Variants in ANO4 observed in about 807,000 individuals in gnomAD.
ANO4 encodes anoctamin 4.
Under a neutral mutation model 141.9 loss-of-function variants are expected in ANO4, and 69 were observed. The ratio of observed to expected loss-of-function variants is 0.49; its 90% confidence interval spans 0.40 to 0.59. The LOEUF (loss-of-function observed/expected upper bound fraction) is 0.59, where lower values mean the gene tolerates loss of function less well. Among genes scored for constraint, ANO4 ranks in the 20% least tolerant of loss-of-function variants. ANO4 has a pLI of 0.00. For missense variants in ANO4, 894 were observed against 1,162.2 expected (o/e 0.77, Z 3.36); for synonymous variants, 350 against 394.3 (o/e 0.89, Z 1.33).
At chr12:100,970,416 C>T (rs1566071304) in intron 5 of ANO4, among the ~76,000 whole-genome samples, 1 of 152,082 alleles carries the variant, frequency 6.6e-6, no homozygotes, top group African/African-American at 2.4e-5. Flanking sequence ...CCTCAACATA[C>T]CAGGAAGCTT....
At chr12:100,925,049 T>TATGC (rs2041805919) in intron 3 of ANO4, among the ~76,000 whole-genome samples, 1 of 152,116 alleles carries the variant, frequency 6.6e-6, no homozygotes, top group Non-Finnish European at 1.5e-5. Flanking sequence ...TTTATAAGTT[T>TATGC]ATGCATTTTC....
At chr12:100,853,978 G>A (rs1356167073) in intron 1 of ANO4, among the ~76,000 whole-genome samples, 2 of 152,084 alleles carry the variant, frequency 1.3e-5, no homozygotes, top group Non-Finnish European at 2.9e-5. Flanking sequence ...ATGACAACCA[G>A]TTTATTTATG....
chr12:100,807,973 C>A (rs1323578149), intron 1 of ANO4, among the ~76,000 whole-genome samples: 1 of 152,146 alleles, frequency 6.6e-6, no homozygotes, highest in Non-Finnish European at 1.5e-5. Flanking sequence ...CATTGATAAG[C>A]ATTTAGGTTG....
At chr12:100,838,229 C>CAAAAAA (rs11331726) in intron 1 of ANO4, among the ~76,000 whole-genome samples, 7 of 84,228 alleles carry the variant, frequency 8.3e-5, no homozygotes, top group South Asian at 4.6e-4. Context: ...GACTCCGTCT[C>CAAAAAA]AAAAAAAAAA....
At chr12:101,092,529 T>C (rs149830538) in intron 17 of ANO4, among the ~76,000 whole-genome samples, 1 of 149,662 alleles carries the variant, frequency 6.7e-6, no homozygotes, top group Non-Finnish European at 1.5e-5. Flanking sequence ...TGAGCGGCTG[T>C]GAGTCCCTCT....
At chr12:100,778,552 G>C (rs1052911926) in intron 3 of ANO4, among the ~76,000 whole-genome samples, 1 of 152,190 alleles carries the variant, frequency 6.6e-6, no homozygotes, top group Non-Finnish European at 1.5e-5. Flanking sequence ...GTTTAGGGCT[G>C]TCTCTTGCTG....
chr12:101,005,923 G>GCCT (rs1187861373), intron 8 of ANO4, among the ~76,000 whole-genome samples: 5 of 151,008 alleles, frequency 3.3e-5, no homozygotes, highest in Admixed American at 6.6e-5. Flanking sequence ...TCCTCTTCCT[G>GCCT]CCTCCTCCTC....
At chr12:100,719,004 T>A (rs568482668) in intron 1 of ANO4, among the ~76,000 whole-genome samples, 1 of 152,348 alleles carries the variant, frequency 6.6e-6, no homozygotes, top group African/African-American at 2.4e-5. Context: ...TGTACGTTTC[T>A]AGAAGCTTTA....
At chr12:100,932,922 T>G (rs575427555) in intron 3 of ANO4, among the ~76,000 whole-genome samples, 3 of 152,142 alleles carry the variant, frequency 2.0e-5, no homozygotes, top group Non-Finnish European at 4.4e-5. Flanking sequence ...AGGCTGAGCT[T>G]CTAATCTTTG....
chr12:101,012,523 AG>A (rs1054402102), intron 8 of ANO4, among the ~76,000 whole-genome samples: 1 of 152,188 alleles, frequency 6.6e-6, no homozygotes, highest in African/African-American at 2.4e-5. Flanking sequence ...GGGCAGTAAC[AG>A]TCTGGGTTTG....
At chr12:100,842,707 C>A (rs2037340723) in intron 1 of ANO4, among the ~76,000 whole-genome samples, 1 of 152,016 alleles carries the variant, frequency 6.6e-6, no homozygotes, top group Non-Finnish European at 1.5e-5. Context: ...TCTCTGCTTC[C>A]AAAATGGTGC....
intron 8 of ANO4, among the ~76,000 whole-genome samples, chr12:101,003,234 A>C (rs2136411443): frequency 6.6e-6 from 1 of 152,382 alleles, no homozygotes; most frequent in South Asian, 2.1e-4. Context: ...CATGTTAGCA[A>C]CGGGTCAACT....
At chr12:100,809,848 A>G (rs535303803) in intron 1 of ANO4, among the ~76,000 whole-genome samples, 2 of 152,340 alleles carry the variant, frequency 1.3e-5, no homozygotes, top group South Asian at 2.1e-4. Flanking sequence ...TATGGAGATT[A>G]TAACAGTGGG....
Position 100,986,070 on chromosome 12 carries a change from A to G in ANO4, c.603-1469A>G, listed in dbSNP as rs536496659. On this transcript the variant is annotated intron_variant, in intron 7 of 27. Transcript: ENST00000392977. The stretch of plus-strand genomic sequence containing the variant: ...GCCATCCAACCCATTGAGTGGAACT[A>G]GAAGATGGAGGAATAGTGAATTTGC... Among the ~76,000 whole-genome samples, 27 of 152,152 alleles carry G rather than the reference A, an allele frequency of 1.8e-4. 1 individual carries two copies. Among genetic ancestry groups the G allele is most frequent in the African/African-American group, 6.5e-4 (27 of 41,454 alleles).
chr12:101,097,663 C>T lies in ANO4; in HGVS notation c.1863C>T (p.His621=), dbSNP rs1200824733. 6.2e-7 allele frequency: 1 copy of T among 1,613,758 alleles called. No homozygotes were observed. Among genetic ancestry groups the T allele is most frequent in the South Asian group, 1.1e-5 (1 of 91,072 alleles). Residue 621 remains histidine, a synonymous_variant, in exon 20 of 28, where the codon CAC becomes CAT. Coordinates refer to ENST00000392977, the MANE Select transcript of ANO4 (RefSeq NM_001286615.2). ...CTGTGTGTTGAAGATTTACAGGACA[C>T]CCAGGTGCCTACTTGAGGCTGATAA... ...IAFFLGRFTG[H]PGAYLRLINR...
In ANO4 at chr12:101,114,806, C is replaced by A. The variant is rs1482149104; in HGVS notation, c.2451-1873C>A. On this transcript the variant is annotated intron_variant, in intron 24 of 27. Coordinates refer to ENST00000392977, the MANE Select transcript of ANO4 (RefSeq NM_001286615.2). ...TTTTCATGTCCAGGTCTAGACAGTT[C>A]CTAGGTAAGGGAGACATCATTCCAA... 2.0e-5 allele frequency among the ~76,000 whole-genome samples: 3 copies of A among 152,212 alleles called. No homozygotes were observed. The East Asian group carries it at 5.8e-4, about 29-fold the overall frequency.
At chr12:100,980,320 A>G (rs1186498426) in intron 7 of ANO4, among the ~76,000 whole-genome samples, 1 of 152,248 alleles carries the variant, frequency 6.6e-6, no homozygotes, top group Admixed American at 6.5e-5. Flanking sequence ...TGTATGGTGT[A>G]CATTTAAAAT....
intron 1 of ANO4, among the ~76,000 whole-genome samples, chr12:100,718,553 CCTG>C (rs1408689087): frequency 3.3e-5 from 5 of 152,136 alleles, no homozygotes; most frequent in African/African-American, 1.2e-4. Flanking sequence ...AGTGATGTCC[CCTG>C]CTCATTTTAC....
intron 5 of ANO4, among the ~76,000 whole-genome samples, chr12:100,960,267 C>T (rs935596363): frequency 6.6e-6 from 1 of 152,068 alleles, no homozygotes; most frequent in Non-Finnish European, 1.5e-5. Flanking sequence ...CACGCACACA[C>T]ACACACACAC....
Sources: allele counts gnomAD v4.1 joint callset (sites outside exome capture counted in the v4.1 genomes callset), GRCh38; gene constraint gnomAD v4.1.1; transcripts MANE v1.5; gene names NCBI Gene and HGNC (gene_info 2026-07-23, HGNC 2026-07-21).